NBDY: variants seen among roughly 807,000 people sequenced by gnomAD.
The protein encoded by NBDY is P-body dissociating protein.
chrX:56,781,104 A>G (rs971049154), intron 2 of NBDY, among the ~76,000 whole-genome samples: 24 of 111,515 alleles, frequency 2.2e-4, no homozygotes, highest in Non-Finnish European at 3.8e-5. Flanking sequence ...TGTTAGTTTT[A>G]GTGTCAGAGG....
At chrX:56,790,587 A>G (rs1477893087) in intron 2 of NBDY, among the ~76,000 whole-genome samples, 2 of 112,567 alleles carry the variant, frequency 1.8e-5, no homozygotes, top group East Asian at 5.6e-4. Flanking sequence ...GGGAGAAGAA[A>G]AGAATGCAGG....
At chrX:56,812,824 C>A (rs2069893844) in intron 2 of NBDY, among the ~76,000 whole-genome samples, 2 of 111,004 alleles carry the variant, frequency 1.8e-5, no homozygotes, top group South Asian at 7.7e-4. Context: ...TTCCTTTTTC[C>A]TTTCACTTTC....
intron 2 of NBDY, among the ~76,000 whole-genome samples, chrX:56,790,248 A>T (rs944436711): frequency 1.2e-4 from 13 of 112,492 alleles, no homozygotes; most frequent in African/African-American, 4.2e-4. Context: ...CAGCTCTTCG[A>T]ATATTGCAAA....
chrX:56,747,411 G>A (rs1252402172), intron 2 of NBDY, among the ~76,000 whole-genome samples: 2 of 111,613 alleles, frequency 1.8e-5, no homozygotes, highest in African/African-American at 6.5e-5. Flanking sequence ...ACTAAGTAAG[G>A]ATGGATGATT....
chrX:56,801,699 T>G (rs1244415213), intron 2 of NBDY, among the ~76,000 whole-genome samples: 1 of 110,868 alleles, frequency 9.0e-6, no homozygotes, highest in Non-Finnish European at 1.9e-5. Flanking sequence ...GCAGGAGCCT[T>G]GGCAAGTTGT....
chrX:56,817,266 A>G (rs2069914955), intron 2 of NBDY, 54 bp from the exon 3 acceptor site: 1 of 112,237 alleles, frequency 8.9e-6, no homozygotes, highest in Admixed American at 9.5e-5. Flanking sequence ...CCTGTATGAT[A>G]ATGGAATTTC....
intron 2 of NBDY, among the ~76,000 whole-genome samples, chrX:56,794,679 G>C (rs1358974173): frequency 9.0e-6 from 1 of 111,494 alleles, no homozygotes; most frequent in South Asian, 3.8e-4. Context: ...GGGTGTGTGG[G>C]TGAGTGGGCC....
chrX:56,767,862 G>A (rs2069675817), intron 2 of NBDY, among the ~76,000 whole-genome samples: 1 of 73,359 alleles, frequency 1.4e-5, no homozygotes, highest in African/African-American at 5.4e-5. Flanking sequence ...CTGGGGAAAG[G>A]CCAGGAGCCC....
At chrX:56,790,512 A>G (rs60922745) in intron 2 of NBDY, among the ~76,000 whole-genome samples, 105 of 112,173 alleles carry the variant, frequency 9.4e-4, no homozygotes, top group African/African-American at 3.3e-3. Context: ...CAACAAATGC[A>G]GATTCTTTTC....
intron 2 of NBDY, among the ~76,000 whole-genome samples, chrX:56,791,057 G>A (rs2069759776): frequency 8.9e-6 from 1 of 112,362 alleles, no homozygotes; most frequent in South Asian, 3.7e-4. Flanking sequence ...TCACAAGGCT[G>A]CCAGCTGTCC....
At chrX:56,739,731 T>C in intron 2 of NBDY, among the ~76,000 whole-genome samples, 1 of 111,085 alleles carries the variant, frequency 9.0e-6, no homozygotes, top group Non-Finnish European at 1.9e-5. Flanking sequence ...TGGTGAATAG[T>C]TGCTAGATTA....
intron 2 of NBDY, among the ~76,000 whole-genome samples, chrX:56,736,043 C>A (rs1412371975): frequency 9.1e-6 from 1 of 110,408 alleles, no homozygotes; most frequent in Non-Finnish European, 1.9e-5. Context: ...ACACATTTCT[C>A]GTTGCTTTAC....
At chrX:56,756,718 G>A (rs1467082569) in intron 2 of NBDY, among the ~76,000 whole-genome samples, 2 of 111,942 alleles carry the variant, frequency 1.8e-5, no homozygotes, top group African/African-American at 6.5e-5. Flanking sequence ...TAATCTCAAT[G>A]TTTTGGGAGG....
chrX:56,801,350 ACTCCTT>A (rs749407801), intron 2 of NBDY, among the ~76,000 whole-genome samples: 9 of 88,782 alleles, frequency 1.0e-4, no homozygotes, highest in Middle Eastern at 5.5e-3. Context: ...TTTTTCTTCT[ACTCCTT>A]CTCCTTCTCC....
chrX:56,762,255 C>T (rs1423673277), intron 2 of NBDY, among the ~76,000 whole-genome samples: 1 of 110,954 alleles, frequency 9.0e-6, no homozygotes, highest in African/African-American at 3.3e-5. Flanking sequence ...TCCTCTTCCT[C>T]CTCTTCCTCT....
intron 2 of NBDY, among the ~76,000 whole-genome samples, chrX:56,749,021 A>G (rs2069570615): frequency 1.8e-5 from 2 of 109,425 alleles, no homozygotes; most frequent in African/African-American, 3.3e-5. Flanking sequence ...AGGACATAAG[A>G]GAATTCAAAG....
At chrX:56,791,113 ACT>A (rs1453618627) in intron 2 of NBDY, among the ~76,000 whole-genome samples, 2 of 111,304 alleles carry the variant, frequency 1.8e-5, no homozygotes, top group Non-Finnish European at 1.9e-5. Context: ...CTCATTGCTC[ACT>A]CTGTTTCTCC....
intron 2 of NBDY, among the ~76,000 whole-genome samples, chrX:56,810,372 C>G (rs1397097488): frequency 1.8e-5 from 2 of 111,359 alleles, no homozygotes; most frequent in Admixed American, 9.6e-5. Context: ...CTCCCTGTCA[C>G]TTTCACGTAC....
intron 2 of NBDY, among the ~76,000 whole-genome samples, chrX:56,744,852 C>T (rs952199343): frequency 2.7e-5 from 3 of 111,277 alleles, no homozygotes; most frequent in African/African-American, 9.8e-5. Flanking sequence ...AGATTAACAA[C>T]AACAGTAATA....
Sources: gnomAD v4.1 joint callset for allele counts (sites outside exome capture counted in the v4.1 genomes callset) on GRCh38, gnomAD v4.1.1 for gene constraint, MANE v1.5 for transcripts, NCBI Gene and HGNC (gene_info 2026-07-23, HGNC 2026-07-21) for gene names.